FAM53B: variants seen among roughly 807,000 people sequenced by gnomAD.
FAM53B encodes protein FAM53B.
In FAM53B, 12 loss-of-function variants were observed where a neutral mutation model predicts 32.7. The observed-to-expected ratio is 0.37, with a 90% CI of 0.24 to 0.59. The LOEUF is 0.59. FAM53B is among the 20% of genes least tolerant of loss of function. The pLI is 0.72. For synonymous variants in FAM53B, 234 were observed against 228.7 expected, an observed-to-expected ratio of 1.02 and a Z score of -0.21; for missense variants, 477 against 577.7, an observed-to-expected ratio of 0.83 and a Z score of 1.79.
Position 124,660,578 on chromosome 10 carries a change from C to G in FAM53B, c.906+21029G>C, listed in dbSNP as rs533122915. Among the ~76,000 whole-genome samples the G allele has an allele frequency of 2.6e-5, 4 of 152,368 alleles. No homozygotes were observed. In the East Asian group the frequency reaches 7.7e-4, roughly 29 times the overall value. ...ATGGGAAGGGCCCACTCGAGGCCAA[C>G]GGTGAGCACGGCAGAGCCTGAGACA... is the stretch of plus-strand genomic sequence containing the variant. On this transcript the variant is annotated intron_variant, in intron 4 of 4. Transcript: ENST00000337318.
At chr10:124,705,721 C>G (rs1490520798) in intron 2 of FAM53B, 7 of 152,322 alleles carry the variant, frequency 4.6e-5, no homozygotes, top group African/African-American at 1.7e-4. Context: ...GAATACAGAT[C>G]TCGGTGGCTT....
intron 1 of FAM53B, among the ~76,000 whole-genome samples, chr10:124,727,295 A>G (rs1427470302): frequency 7.5e-6 from 1 of 132,662 alleles, no homozygotes; most frequent in Non-Finnish European, 1.6e-5. Context: ...CTTGTAGATA[A>G]GAAGATTACA....
At chr10:124,623,931 G>C (rs1949329216) in intron 4 of FAM53B, 1 of 295,062 alleles carries the variant, frequency 3.4e-6, no homozygotes, top group Non-Finnish European at 6.3e-6. Flanking sequence ...CAGCCTTTCT[G>C]AAGCGCAACC....
At chr10:124,670,043 T>C (rs950682928) in intron 4 of FAM53B, among the ~76,000 whole-genome samples, 2 of 152,090 alleles carry the variant, frequency 1.3e-5, no homozygotes, top group African/African-American at 2.4e-5. Context: ...AGTGACCCAC[T>C]TCCCAGAGCC....
intron 1 of FAM53B, among the ~76,000 whole-genome samples, chr10:124,719,755 C>T (rs1490116473): frequency 6.6e-6 from 1 of 152,212 alleles, no homozygotes; most frequent in Non-Finnish European, 1.5e-5. Flanking sequence ...CTCCTCCATG[C>T]ACCTCCCAAA....
chr10:124,649,002 A>C (rs1308918686), intron 4 of FAM53B, among the ~76,000 whole-genome samples: 2 of 152,234 alleles, frequency 1.3e-5, no homozygotes, highest in Non-Finnish European at 2.9e-5. Flanking sequence ...AAGCAGCTGC[A>C]GGCCTGCTGG....
rs1949290430 is a variant in FAM53B, at chr10:124,619,531, T to G, written c.*3711A>C. The G allele has an allele frequency of 6.6e-6, 1 of 152,396 alleles. No individual in the cohort carries two copies. The highest frequency in any genetic ancestry group is 2.4e-5 in the African/African-American group (1 of 41,396). 9.4% of individuals were successfully genotyped at this position (152,396 alleles called of 1,614,324 possible). A position where few individuals can be genotyped will look rare whatever the true frequency, so the allele number is the denominator to read the frequency against. On this transcript the variant is annotated 3_prime_UTR_variant, in exon 5 of 5. Transcript: ENST00000337318. ...CCCCAGAAACAGCCTATGTGCTATCTGTCGCCCCAGCCCCCAGGACAGCTT... is the reference window on the plus strand; with the variant it reads ...CCCCAGAAACAGCCTATGTGCTATCGGTCGCCCCAGCCCCCAGGACAGCTT...
intron 4 of FAM53B, among the ~76,000 whole-genome samples, chr10:124,631,995 C>A (rs1949394094): frequency 6.6e-6 from 1 of 152,180 alleles, no homozygotes; most frequent in African/African-American, 2.4e-5. Flanking sequence ...GAAGGAAGGG[C>A]CCACCCGGTC....
At chr10:124,717,610 T>C (rs543654957) in intron 1 of FAM53B, among the ~76,000 whole-genome samples, 6 of 152,174 alleles carry the variant, frequency 3.9e-5, no homozygotes, top group African/African-American at 1.4e-4. Context: ...TTCCAATGGG[T>C]GGGACCGAGG....
At chr10:124,742,029 G>A (rs567152276) in intron 1 of FAM53B, among the ~76,000 whole-genome samples, 164 of 152,282 alleles carry the variant, frequency 1.1e-3, no homozygotes, top group African/African-American at 3.9e-3. Context: ...GAAGAAAATA[G>A]GAAGTCGTTG....
At chr10:124,627,788 T>G (rs913650694) in intron 4 of FAM53B, among the ~76,000 whole-genome samples, 2 of 145,668 alleles carry the variant, frequency 1.4e-5, no homozygotes, top group Admixed American at 1.4e-4. Context: ...CCAGCTGGGG[T>G]TTCCTGCTCA....
At chr10:124,675,514 A>AC (rs1949731532) in intron 4 of FAM53B, among the ~76,000 whole-genome samples, 1 of 152,214 alleles carries the variant, frequency 6.6e-6, no homozygotes, top group South Asian at 2.1e-4. Flanking sequence ...CTGAGTGCCA[A>AC]CCGTGTGCCA....
In FAM53B at chr10:124,714,561, C is replaced by A. The variant is rs181788701; in HGVS notation, c.-174-7674G>T. ...GGATCACAAGGTCAGGAGATCGAGA[C>A]CATCCTGGCTAACACGGTGAAACCC... On this transcript the variant is annotated intron_variant, in intron 1 of 4. Transcript: ENST00000337318. 2.7e-3 allele frequency among the ~76,000 whole-genome samples: 405 copies of A among 151,736 alleles called. 2 individuals carry two copies. Among genetic ancestry groups the A allele is most frequent in the Admixed American group, 0.011 (169 of 15,248 alleles).
rs565511356 is a variant in FAM53B at position 124,664,678 on chromosome 10, G to C, written c.906+16929C>G. The stretch of plus-strand genomic sequence containing the variant: ...GCCAGGCCCTCAGTACTCATGCTCA[G>C]TGGTTACCCCAGCCATCCACAGAAA... On this transcript the variant is annotated intron_variant, in intron 4 of 4. Coordinates refer to ENST00000337318, the MANE Select transcript of FAM53B (RefSeq NM_014661.4). 2.6e-5 allele frequency among the ~76,000 whole-genome samples: 4 copies of C among 152,318 alleles called. No individual in the cohort carries two copies. In the East Asian group the frequency reaches 7.7e-4, roughly 29 times the overall value.
chr10:124,742,404 C>T (rs1429905134), intron 1 of FAM53B: 2 of 152,212 alleles, frequency 1.3e-5, no homozygotes, highest in Admixed American at 6.5e-5. Context: ...AAAACCTGGC[C>T]TAATAAGGAA....
chr10:124,741,240 G>A (rs1165573496), intron 1 of FAM53B, among the ~76,000 whole-genome samples: 6 of 152,206 alleles, frequency 3.9e-5, no homozygotes, highest in African/African-American at 1.4e-4. Flanking sequence ...TGGTGGTAAT[G>A]ATGGGGGTTG....
At chr10:124,697,461 G>C (rs1334984231) in intron 2 of FAM53B, among the ~76,000 whole-genome samples, 1 of 152,086 alleles carries the variant, frequency 6.6e-6, no homozygotes, top group Non-Finnish European at 1.5e-5. Context: ...CAAGCACCTG[G>C]CACCAGCTCC....
intron 4 of FAM53B, among the ~76,000 whole-genome samples, chr10:124,676,205 G>A (rs1306392600): frequency 6.6e-6 from 1 of 152,124 alleles, no homozygotes; most frequent in Non-Finnish European, 1.5e-5. Context: ...CTTGTATTTA[G>A]CATTTCTTTC....
chr10:124,664,587 G>T lies in FAM53B; in HGVS notation c.906+17020C>A, dbSNP rs1949656767. Reference sequence around the variant, plus strand: ...ACTCTGCGCAGATGGCACAAAGCTAGCCAACTCTCCGGCCCTCAGCAAGTC... The same window carrying T: ...ACTCTGCGCAGATGGCACAAAGCTATCCAACTCTCCGGCCCTCAGCAAGTC... On this transcript the variant is annotated intron_variant, in intron 4 of 4. Transcript: ENST00000337318. Among the ~76,000 whole-genome samples the T allele has an allele frequency of 2.0e-5, 3 of 152,222 alleles. No individual in the cohort carries two copies. The East Asian group carries it at 5.8e-4, about 29-fold the overall frequency.
Sources: gnomAD v4.1 joint callset for allele counts (sites outside exome capture counted in the v4.1 genomes callset) on GRCh38, gnomAD v4.1.1 for gene constraint, MANE v1.5 for transcripts, NCBI Gene and HGNC (gene_info 2026-07-23, HGNC 2026-07-21) for gene names.